PPM1H: variants seen among roughly 807,000 people sequenced by gnomAD.
PPM1H encodes protein phosphatase 1H.
A neutral mutation model predicts 54.9 loss-of-function variants in PPM1H; 27 were observed. The observed-to-expected ratio is 0.49, with a 90% CI of 0.36 to 0.68. PPM1H has a LOEUF of 0.68. Among genes scored for constraint, PPM1H ranks in the 30% least tolerant of loss-of-function variants. The probability of loss-of-function intolerance (pLI) is 0.00; values close to 1 mark genes in which losing one functional copy is unlikely to be tolerated. For missense variants in PPM1H, 596 were observed against 667.8 expected (o/e 0.89, Z 1.19); for synonymous variants, 305 against 270.8 (o/e 1.13, Z -1.24).
At chr12:62,854,368 T>C (rs1392859837) in intron 1 of PPM1H, among the ~76,000 whole-genome samples, 1 of 152,200 alleles carries the variant, frequency 6.6e-6, no homozygotes, top group Non-Finnish European at 1.5e-5. Flanking sequence ...AATCTTAACA[T>C]TTAATGCTGA....
chr12:62,929,712 C>T (rs1361840648), intron 1 of PPM1H, among the ~76,000 whole-genome samples: 2 of 152,062 alleles, frequency 1.3e-5, no homozygotes, highest in African/African-American at 4.8e-5. Flanking sequence ...GGAGCTCCAC[C>T]TAAGGGGGAT....
chr12:62,738,428 C>A (rs910270865), intron 4 of PPM1H, among the ~76,000 whole-genome samples: 1 of 152,170 alleles, frequency 6.6e-6, no homozygotes, highest in African/African-American at 2.4e-5. Flanking sequence ...AAAAGTGTAT[C>A]TAAGAGCTAT....
At chr12:62,777,280 T>G (rs1330517034) in intron 4 of PPM1H, among the ~76,000 whole-genome samples, 1 of 152,216 alleles carries the variant, frequency 6.6e-6, no homozygotes, top group Non-Finnish European at 1.5e-5. Flanking sequence ...CAGAGCTTCA[T>G]GTGTCTCCTG....
chr12:62,759,286 T>G (rs1238622501), intron 4 of PPM1H, among the ~76,000 whole-genome samples: 1 of 152,222 alleles, frequency 6.6e-6, no homozygotes, highest in Non-Finnish European at 1.5e-5. Context: ...CATGAAGAGA[T>G]CCACCTATGA....
chr12:62,760,322 C>G (rs1457682173), intron 4 of PPM1H, among the ~76,000 whole-genome samples: 2 of 152,150 alleles, frequency 1.3e-5, no homozygotes, highest in Non-Finnish European at 1.5e-5. Context: ...TCCCTCCCAC[C>G]TGTCCCTTCA....
chr12:62,761,509 G>A (rs1034701131), intron 4 of PPM1H, among the ~76,000 whole-genome samples: 6 of 152,142 alleles, frequency 3.9e-5, no homozygotes, highest in Admixed American at 3.9e-4. Context: ...CAAAAACTGT[G>A]TAAAAAATCC....
At chr12:62,717,845 T>A (rs1454929308) in intron 6 of PPM1H, among the ~76,000 whole-genome samples, 1 of 152,132 alleles carries the variant, frequency 6.6e-6, no homozygotes, top group East Asian at 1.9e-4. Context: ...TCATTAGGAG[T>A]GCTTTTCAAA....
In PPM1H at chr12:62,667,077, C is replaced by T. The variant is rs552398357; in HGVS notation, c.1397+101G>A. On this transcript the variant is annotated intron_variant, in intron 9 of 9. Coordinates refer to ENST00000228705, the MANE Select transcript of PPM1H (RefSeq NM_020700.2). ...TTGGTTACTGTACCGTCCATATCAG[C>T]CTCTAAGTCATGAATTATGAAAATT... is the stretch of plus-strand genomic sequence containing the variant. 4.3e-4 allele frequency: 572 copies of T among 1,328,608 alleles called. 5 individuals are homozygous for T. In the South Asian group the frequency reaches 7.7e-3, roughly 18 times the overall value. The allele number at this position is 1,328,608 out of a possible 1,614,324, so 82.3% of individuals were successfully genotyped here.
chr12:62,788,322 C>A lies in PPM1H; in HGVS notation c.773G>T (p.Arg258Leu). The change falls in exon 4 of 10, where the codon CGA (arginine) becomes CTA (leucine). Residue 258 changes from arginine (R) to leucine (L), a missense_variant. Physicochemically the swap from Arg to Leu is moderately radical, Grantham distance 102. This residue lies in a region of PPM1H where 382 missense variants were observed against 387.1 expected (regional missense o/e 0.99). Coordinates refer to ENST00000228705, the MANE Select transcript of PPM1H (RefSeq NM_020700.2). Reference protein sequence around the residue: ...AFKEMDLQIERERSSYNISGG... With the variant: ...AFKEMDLQIELERSSYNISGG... ...AGATATATTATATGAACTCCTCTCT[C>A]GTTCTATCTGTAGGTCCTGGAGAAT... The A allele has an allele frequency of 6.4e-7, 1 of 1,573,292 alleles. No homozygotes were observed. Among genetic ancestry groups the A allele is most frequent in the South Asian group, 1.2e-5 (1 of 85,678 alleles).
In PPM1H at chr12:62,834,493, C is replaced by T. The variant is rs529135424; in HGVS notation, c.246-2214G>A. The stretch of plus-strand genomic sequence containing the variant: ...CCTAACCCAACCTCTTCCTATTGTG[C>T]CCTGGGGACATCAGTCTGTGACAGG... On this transcript the variant is annotated intron_variant, in intron 1 of 9. Coordinates refer to ENST00000228705, the MANE Select transcript of PPM1H (RefSeq NM_020700.2). 2.0e-5 allele frequency among the ~76,000 whole-genome samples: 3 copies of T among 152,248 alleles called. 1 individual carries two copies. The highest frequency in any genetic ancestry group is 7.2e-5 in the African/African-American group (3 of 41,548).
intron 9 of PPM1H, among the ~76,000 whole-genome samples, chr12:62,650,696 G>C (rs560057981): frequency 6.6e-6 from 1 of 152,256 alleles, no homozygotes; most frequent in East Asian, 1.9e-4. Context: ...GGTGAAGCGA[G>C]GCATGTCTTA....
chr12:62,776,023 T>C (rs897103393), intron 4 of PPM1H, among the ~76,000 whole-genome samples: 4 of 152,146 alleles, frequency 2.6e-5, no homozygotes, highest in Non-Finnish European at 5.9e-5. Flanking sequence ...AGAGAGCATG[T>C]GAAGGAAACT....
chr12:62,851,898 A>G (rs944531023), intron 1 of PPM1H, among the ~76,000 whole-genome samples: 1 of 152,070 alleles, frequency 6.6e-6, no homozygotes, highest in African/African-American at 2.4e-5. Flanking sequence ...CAAAATTCAT[A>G]TGTTGAAATC....
intron 6 of PPM1H, among the ~76,000 whole-genome samples, chr12:62,709,511 T>C (rs1320821774): frequency 6.6e-6 from 1 of 152,176 alleles, no homozygotes; most frequent in Non-Finnish European, 1.5e-5. Context: ...CCGAATGTCC[T>C]TCTCTCCAAA....
rs541994551 is a variant in PPM1H at position 62,821,602 on chromosome 12, G to C, written c.411+10512C>G. Among the ~76,000 whole-genome samples, 12 of 152,348 alleles carry C rather than the reference G, an allele frequency of 7.9e-5. No individual in the cohort carries two copies. The South Asian group carries it at 2.5e-3, about 32-fold the overall frequency. On this transcript the variant is annotated intron_variant, in intron 2 of 9. Transcript: ENST00000228705. ...GGCAGAAACTCTACAAGCCAGAAGA[G>C]AGTGGGGGCCAATATTCAACATTCT... is the stretch of plus-strand genomic sequence containing the variant.
At chr12:62,670,711 G>A (rs979781055) in intron 8 of PPM1H, among the ~76,000 whole-genome samples, 6 of 152,106 alleles carry the variant, frequency 3.9e-5, no homozygotes, top group African/African-American at 1.2e-4. Flanking sequence ...CCATTTCTAT[G>A]CTCGGCTCCC....
At chr12:62,928,095 C>T (rs1402925907) in intron 1 of PPM1H, among the ~76,000 whole-genome samples, 3 of 152,148 alleles carry the variant, frequency 2.0e-5, no homozygotes, top group African/African-American at 7.2e-5. Context: ...AATCCTTATA[C>T]ATAAAGTGCT....
intron 6 of PPM1H, among the ~76,000 whole-genome samples, chr12:62,697,567 T>C (rs2076121464): frequency 6.6e-6 from 1 of 152,154 alleles, no homozygotes; most frequent in South Asian, 2.1e-4. Context: ...TATATTATAG[T>C]CCATGTCAAG....
chr12:62,825,321 G>A (rs1868278585), intron 2 of PPM1H, among the ~76,000 whole-genome samples: 1 of 152,206 alleles, frequency 6.6e-6, no homozygotes, highest in Admixed American at 6.5e-5. Flanking sequence ...GGAAGACAGT[G>A]TGGTGATTCC....
Sources: gnomAD v4.1 joint callset for allele counts (sites outside exome capture counted in the v4.1 genomes callset) on GRCh38, gnomAD v4.1.1 for gene constraint, gnomAD v4.1.1 regional missense constraint, MANE v1.5 for transcripts, NCBI Gene and HGNC (gene_info 2026-07-23, HGNC 2026-07-21) for gene names.